The following RBFOX1 variants were observed in gnomAD, a reference collection of about 807,000 sequenced individuals.
RBFOX1 encodes RNA binding fox-1 homolog 1, also known as RNA binding protein fox-1 homolog 1.
In RBFOX1, 8 loss-of-function variants were observed where a neutral mutation model predicts 57.7. The observed-to-expected ratio is 0.14, with a 90% CI of 0.08 to 0.25. The LOEUF (loss-of-function observed/expected upper bound fraction) is 0.25, where lower values mean the gene tolerates loss of function less well. RBFOX1 is among the 10% of genes least tolerant of loss of function. RBFOX1 has a pLI of 1.00. For synonymous variants in RBFOX1, 326 were observed against 222.4 expected (o/e 1.47, Z -4.15); for missense variants, 611 against 548.5 (o/e 1.11, Z -1.14).
chr16:5,480,872 T>G (rs62018361), intron 2 of RBFOX1, among the ~76,000 whole-genome samples: 1,561 of 152,352 alleles, frequency 0.01, 14 homozygotes, highest in South Asian at 0.031. Context: ...GATTTGCTCT[T>G]AGAAGCAATA....
intron 2 of RBFOX1, among the ~76,000 whole-genome samples, chr16:5,531,138 A>C (rs952760336): frequency 6.7e-6 from 1 of 148,742 alleles, no homozygotes; most frequent in African/African-American, 2.5e-5. Context: ...AAATAAAATA[A>C]AATAAATAAA....
chr16:6,840,849 T>C (rs963343678), intron 3 of RBFOX1, among the ~76,000 whole-genome samples: 1 of 144,482 alleles, frequency 6.9e-6, no homozygotes, highest in Non-Finnish European at 1.5e-5. Context: ...ATCGTCCCAT[T>C]GTACTCTAGC....
At chr16:7,510,558 A>G (rs1184898907) in intron 4 of RBFOX1, among the ~76,000 whole-genome samples, 1 of 151,720 alleles carries the variant, frequency 6.6e-6, no homozygotes, top group African/African-American at 2.4e-5. Flanking sequence ...GATGTGTGGA[A>G]CTGAGCTGAT....
At chr16:7,163,670 AT>A (rs936669828) in intron 4 of RBFOX1, among the ~76,000 whole-genome samples, 2 of 151,534 alleles carry the variant, frequency 1.3e-5, no homozygotes, top group Admixed American at 1.3e-4. Context: ...TAAAAATTTA[AT>A]TTTTTTAGAC....
At chr16:7,709,862 G>C (rs748338000) in intron 15 of RBFOX1, 1 of 1,172,426 alleles carries the variant, frequency 8.5e-7, no homozygotes, top group Non-Finnish European at 1.1e-6. Flanking sequence ...TGCCCATCAC[G>C]TGAGAGCATA....
chr16:5,817,344 A>G (rs957064940), intron 3 of RBFOX1, among the ~76,000 whole-genome samples: 2 of 152,220 alleles, frequency 1.3e-5, no homozygotes, highest in African/African-American at 2.4e-5. Flanking sequence ...GCTGACAAGC[A>G]GGTACTGATG....
chr16:5,515,798 C>G (rs901571364), intron 2 of RBFOX1, among the ~76,000 whole-genome samples: 12 of 152,296 alleles, frequency 7.9e-5, no homozygotes, highest in Middle Eastern at 3.4e-3. Context: ...ATTCAGCCTT[C>G]TAAGAGGGCA....
chr16:7,690,622 C>T (rs566561708), intron 14 of RBFOX1, among the ~76,000 whole-genome samples: 7 of 152,130 alleles, frequency 4.6e-5, no homozygotes, highest in Middle Eastern at 3.4e-3. Flanking sequence ...TCTTTCTTCT[C>T]CTGAGAGGCA....
intron 1 of RBFOX1, among the ~76,000 whole-genome samples, chr16:6,251,602 G>C (rs777023700): frequency 2.0e-5 from 3 of 151,924 alleles, no homozygotes; most frequent in Non-Finnish European, 4.4e-5. Flanking sequence ...GAGAGAGAGA[G>C]AAAAAGAGAG....
chr16:6,882,927 G>A (rs904153218), intron 3 of RBFOX1, among the ~76,000 whole-genome samples: 3 of 152,082 alleles, frequency 2.0e-5, no homozygotes, highest in Non-Finnish European at 4.4e-5. Flanking sequence ...ATTGAATCAG[G>A]ATGTCTTAGG....
chr16:7,703,469 G>T (rs1335020749), intron 14 of RBFOX1, among the ~76,000 whole-genome samples: 2 of 152,148 alleles, frequency 1.3e-5, no homozygotes, highest in Non-Finnish European at 2.9e-5. Context: ...TGAGAAGCAT[G>T]GGGAGATGAT....
chr16:6,171,013 C>T (rs1408779118), intron 1 of RBFOX1, among the ~76,000 whole-genome samples: 2 of 152,074 alleles, frequency 1.3e-5, no homozygotes, highest in African/African-American at 4.8e-5. Flanking sequence ...AGGTTGATGC[C>T]ATGTCTTTGC....
chr16:5,465,316 T>C (rs1400380283), intron 1 of RBFOX1, among the ~76,000 whole-genome samples: 2 of 152,154 alleles, frequency 1.3e-5, no homozygotes, highest in African/African-American at 2.4e-5. Flanking sequence ...CATCATCTTA[T>C]GAAGACAGAA....
intron 4 of RBFOX1, among the ~76,000 whole-genome samples, chr16:7,102,116 CT>C (rs1382737011): frequency 6.6e-6 from 1 of 151,918 alleles, no homozygotes; most frequent in African/African-American, 2.4e-5. Context: ...AGAAATGGTC[CT>C]GCCTGTGCCT....
rs540897391 is a variant in RBFOX1, at chr16:6,561,382, C to G, written c.-63-93221C>G. Among the ~76,000 whole-genome samples, 113 of 152,264 alleles carry G rather than the reference C, an allele frequency of 7.4e-4. 1 individual carries two copies. In the Middle Eastern group the frequency reaches 0.01, roughly 14 times the overall value. The stretch of plus-strand genomic sequence containing the variant: ...AACCATTCAGTAGAACTGTTACAGT[C>G]TAGTAAGTAAATAACATGTTTTTCA... On this transcript the variant is annotated intron_variant, in intron 2 of 15. Coordinates refer to ENST00000550418, the MANE Select transcript of RBFOX1 (RefSeq NM_018723.4).
chr16:6,242,281 T>G (rs2097543781), intron 1 of RBFOX1, among the ~76,000 whole-genome samples: 1 of 152,212 alleles, frequency 6.6e-6, no homozygotes, highest in Non-Finnish European at 1.5e-5. Context: ...CCAAGCTCAC[T>G]GCCTTTGCTA....
At chr16:6,904,437 C>G (rs182333265) in intron 3 of RBFOX1, among the ~76,000 whole-genome samples, 4 of 151,492 alleles carry the variant, frequency 2.6e-5, no homozygotes, top group Non-Finnish European at 5.9e-5. Flanking sequence ...CTCCTGTCCA[C>G]TGAAAGTACA....
intron 3 of RBFOX1, among the ~76,000 whole-genome samples, chr16:5,739,253 A>G (rs1207544532): frequency 6.6e-6 from 1 of 152,234 alleles, no homozygotes; most frequent in Non-Finnish European, 1.5e-5. Context: ...TTGGCGTCCA[A>G]TATGGATATT....
intron 1 of RBFOX1, chr16:5,270,752 GA>G: frequency 2.1e-6 from 1 of 475,740 alleles, no homozygotes; most frequent in Non-Finnish European, 3.9e-6. Flanking sequence ...GATAACATCG[GA>G]AAAGATGTAG....
Sources: allele counts gnomAD v4.1 joint callset (sites outside exome capture counted in the v4.1 genomes callset), GRCh38; gene constraint gnomAD v4.1.1; transcripts MANE v1.5; gene names NCBI Gene and HGNC (gene_info 2026-07-23, HGNC 2026-07-21).